Variants in ZSCAN18 observed in about 807,000 individuals in gnomAD.
The protein encoded by ZSCAN18 is zinc finger and SCAN domain containing 18.
A neutral mutation model predicts 31.1 loss-of-function variants in ZSCAN18; 16 were observed. The ratio of observed to expected loss-of-function variants is 0.51; its 90% CI spans 0.35 to 0.78. The LOEUF (loss-of-function observed/expected upper bound fraction) is 0.78, where lower values mean the gene tolerates loss of function less well. Among genes scored for constraint, ZSCAN18 ranks in the 30% least tolerant of loss-of-function variants. ZSCAN18 has a pLI of 0.01. For missense variants in ZSCAN18, 731 were observed against 697.4 expected (o/e 1.05, Z -0.54); for synonymous variants, 375 against 320.7 (o/e 1.17, Z -1.81).
At chr19:58,095,113 T>A (rs933857390) in intron 1 of ZSCAN18, among the ~76,000 whole-genome samples, 1 of 152,146 alleles carries the variant, frequency 6.6e-6, no homozygotes, top group Non-Finnish European at 1.5e-5. Context: ...CGCTAACCCC[T>A]GTTCTGGAGC....
At chr19:58,087,612 C>G in intron 3 of ZSCAN18, 1 of 550,978 alleles carries the variant, frequency 1.8e-6, no homozygotes, top group Non-Finnish European at 3.2e-6. Context: ...GATGCCCATT[C>G]AAGTCCACTG....
chr19:58,091,537 T>TG (rs35671531), intron 1 of ZSCAN18, among the ~76,000 whole-genome samples: 1 of 21,182 alleles, frequency 4.7e-5, no homozygotes, highest in Non-Finnish European at 1.0e-4. Context: ...GCAAGGACAA[T>TG]GGGGGGTGGG....
intron 1 of ZSCAN18, among the ~76,000 whole-genome samples, chr19:58,113,704 C>A (rs1293810600): frequency 6.6e-6 from 1 of 152,116 alleles, no homozygotes; most frequent in African/African-American, 2.4e-5. Context: ...AATGGCTGGA[C>A]GCAGTGGCTC....
intron 1 of ZSCAN18, chr19:58,109,034 A>G: frequency 8.2e-7 from 1 of 1,220,324 alleles, no homozygotes; most frequent in East Asian, 3.2e-5. Context: ...CTTTGACATG[A>G]AGCTAGGACT....
upstream of ZSCAN18, among the ~76,000 whole-genome samples, chr19:58,100,776 G>A (rs576088108): frequency 2.0e-5 from 3 of 151,944 alleles, no homozygotes; most frequent in African/African-American, 4.8e-5. Context: ...GCAGCTGCTC[G>A]AGAGGCTGAG....
At chr19:58,113,937 C>T (rs1568646490) in intron 1 of ZSCAN18, among the ~76,000 whole-genome samples, 1 of 151,934 alleles carries the variant, frequency 6.6e-6, no homozygotes, top group Non-Finnish European at 1.5e-5. Flanking sequence ...AAGATCGTGC[C>T]ACTGTAGTCC....
intron 1 of ZSCAN18, among the ~76,000 whole-genome samples, chr19:58,114,271 A>G (rs2554965): frequency 0.74 from 111,802 of 152,070 alleles, 42,347 homozygotes; most frequent in Non-Finnish European, 0.84. Flanking sequence ...CTGTCTCAAA[A>G]AAAAGATGAT....
At chr19:58,089,446 T>C (rs902065448) in intron 2 of ZSCAN18, among the ~76,000 whole-genome samples, 1 of 145,666 alleles carries the variant, frequency 6.9e-6, no homozygotes, top group Non-Finnish European at 1.5e-5. Flanking sequence ...GCCAACATGG[T>C]GAAACCCTGT....
chr19:58,086,023 C>A, intron 6 of ZSCAN18, 151 bp downstream of exon 6: 1 of 655,040 alleles, frequency 1.5e-6, no homozygotes, highest in South Asian at 1.9e-5. Flanking sequence ...TAACTGGATT[C>A]CTGCCTCACT....
chr19:58,087,420 G>T lies in ZSCAN18; in HGVS notation c.554-16C>A, dbSNP rs1411937895. On this transcript the variant is annotated splice_polypyrimidine_tract_variant and intron_variant, in intron 3 of 6. Transcript: ENST00000601144. Reference sequence around the variant, plus strand: ...GAAAGCCAGGCTGGGGAGAAGGAGAGGCAGAGCTGAGGCAATGAGCTCCCT... The same window carrying T: ...GAAAGCCAGGCTGGGGAGAAGGAGATGCAGAGCTGAGGCAATGAGCTCCCT... The T allele has an allele frequency of 1.9e-6, 3 of 1,585,532 alleles. No homozygotes were observed. The highest frequency in any genetic ancestry group is 1.8e-5 in the Admixed American group (1 of 55,880).
intron 1 of ZSCAN18, among the ~76,000 whole-genome samples, chr19:58,116,955 T>C (rs2074735302): frequency 6.6e-6 from 1 of 152,216 alleles, no homozygotes; most frequent in Non-Finnish European, 1.5e-5. Flanking sequence ...TGGCATGATC[T>C]TGGCTCACCG....
At chr19:58,111,094 G>A (rs1874168961) in intron 1 of ZSCAN18, among the ~76,000 whole-genome samples, 1 of 152,124 alleles carries the variant, frequency 6.6e-6, no homozygotes, top group Non-Finnish European at 1.5e-5. Context: ...CGTGAACCCG[G>A]GAGGCGGAGC....
chr19:58,098,476 A>G (rs973280113), upstream of ZSCAN18: 1 of 694,534 alleles, frequency 1.4e-6, no homozygotes, highest in Non-Finnish European at 1.8e-6. Context: ...AGAGACCCGG[A>G]GAAACAAAGA....
At chr19:58,100,313 C>T (rs1345329398), upstream of ZSCAN18, among the ~76,000 whole-genome samples, 3 of 152,102 alleles carry the variant, frequency 2.0e-5, no homozygotes, top group African/African-American at 7.2e-5. Context: ...AGATGCACAG[C>T]TAAGGTCTGG....
exon 1 of ZSCAN18, chr19:58,118,338 C>T (rs2074751341): frequency 6.5e-7 from 1 of 1,533,034 alleles, no homozygotes. Flanking sequence ...CGCGAGAGGA[C>T]GGAACTCACT....
At position 58,089,989 on chromosome 19, in the gene ZSCAN18, C is replaced by T. The variant is rs771519091; in HGVS notation, c.279G>A (p.Val93=). ...RSKEQMLELL[V]LEQFLGILPD... is the part of the protein sequence containing the mutation. Reference sequence around the variant, plus strand: ...GCAGGATGCCCAGGAACTGCTCCAGCACCAGCAGCTCCAGCATCTGCTCCT... The same window carrying T: ...GCAGGATGCCCAGGAACTGCTCCAGTACCAGCAGCTCCAGCATCTGCTCCT... The change falls in exon 2 of 7, where the codon GTG becomes GTA. Residue 93 remains valine (V), a synonymous_variant. Transcript: ENST00000601144. 9 of 1,614,100 alleles carry T rather than the reference C, an allele frequency of 5.6e-6. No individual in the cohort carries two copies. Among genetic ancestry groups the T allele is most frequent in the South Asian group, 1.1e-5 (1 of 91,092 alleles).
chr19:58,097,037 C>T (rs1168522469), intron 1 of ZSCAN18, among the ~76,000 whole-genome samples: 2 of 152,136 alleles, frequency 1.3e-5, no homozygotes, highest in African/African-American at 4.8e-5. Context: ...CGATGCGACA[C>T]GTGGTCCCGC....
intron 1 of ZSCAN18, among the ~76,000 whole-genome samples, chr19:58,114,196 A>G (rs1365612158): frequency 2.6e-5 from 4 of 152,104 alleles, no homozygotes; most frequent in African/African-American, 9.7e-5. Context: ...TGAACCTGGG[A>G]GGTAGAGGTT....
At chr19:58,115,180 A>C (rs558686023) in intron 1 of ZSCAN18, among the ~76,000 whole-genome samples, 1 of 152,350 alleles carries the variant, frequency 6.6e-6, no homozygotes, top group African/African-American at 2.4e-5. Flanking sequence ...CTGGCCCTCT[A>C]GCTGCTCCCA....
Sources: gnomAD v4.1 joint callset for allele counts (sites outside exome capture counted in the v4.1 genomes callset) on GRCh38, gnomAD v4.1.1 for gene constraint, MANE v1.5 for transcripts, NCBI Gene and HGNC (gene_info 2026-07-23, HGNC 2026-07-21) for gene names.